PCLO: variants seen among roughly 807,000 people sequenced by gnomAD.
The protein encoded by PCLO is piccolo presynaptic cytomatrix protein.
In PCLO, 82 loss-of-function variants were observed where a neutral mutation model predicts 427.5. The observed-to-expected ratio is 0.19, with a 90% confidence interval of 0.16 to 0.23. The LOEUF (loss-of-function observed/expected upper bound fraction) is 0.23. Among genes scored for constraint, PCLO ranks in the 10% least tolerant of loss-of-function variants. The pLI, the probability that PCLO is intolerant of heterozygous loss-of-function variation, is 1.00. For missense variants in PCLO, 6,239 were observed against 6,115.9 expected (o/e 1.02, Z -0.67); for synonymous variants, 2,357 against 2,155.4 (o/e 1.09, Z -2.59).
intron 3 of PCLO, among the ~76,000 whole-genome samples, chr7:82,980,175 G>A (rs993102879): frequency 1.3e-5 from 2 of 148,698 alleles, no homozygotes; most frequent in African/African-American, 5.2e-5. Context: ...CACCTGCTCA[G>A]TGTTTCCTGA....
intron 20 of PCLO, among the ~76,000 whole-genome samples, chr7:82,814,964 A>G (rs901946627): frequency 1.3e-5 from 2 of 151,920 alleles, no homozygotes; most frequent in African/African-American, 4.8e-5. Flanking sequence ...TCACCTTAAC[A>G]ATTACATATG....
chr7:83,153,937 C>T (rs1171797617), intron 2 of PCLO, among the ~76,000 whole-genome samples: 2 of 151,906 alleles, frequency 1.3e-5, no homozygotes, highest in South Asian at 4.1e-4. Flanking sequence ...TATTAAAATG[C>T]TACATTATTC....
intron 9 of PCLO, among the ~76,000 whole-genome samples, chr7:82,893,331 C>G (rs1226906640): frequency 6.6e-6 from 1 of 151,954 alleles, no homozygotes; most frequent in Non-Finnish European, 1.5e-5. Flanking sequence ...GGACAAAAAA[C>G]CAAACACTGC....
chr7:83,020,624 G>A (rs1375896994), intron 3 of PCLO, among the ~76,000 whole-genome samples: 2 of 151,946 alleles, frequency 1.3e-5, no homozygotes, highest in East Asian at 3.9e-4. Flanking sequence ...CCTTGATCTT[G>A]GACTTTCAAT....
At chr7:83,106,036 C>G (rs1418490961) in intron 3 of PCLO, among the ~76,000 whole-genome samples, 1 of 152,214 alleles carries the variant, frequency 6.6e-6, no homozygotes, top group East Asian at 1.9e-4. Context: ...TAGACTAGGT[C>G]ATAGGACCCA....
At chr7:83,154,202 A>G (rs1161568420) in intron 2 of PCLO, among the ~76,000 whole-genome samples, 1 of 152,204 alleles carries the variant, frequency 6.6e-6, no homozygotes, top group African/African-American at 2.4e-5. Context: ...CAACTTCTTC[A>G]TTTTGTGAAA....
Position 82,953,470 on chromosome 7 carries a change from A to T in PCLO, c.7483T>A (p.Ser2495Thr). Residue 2495 changes from serine (S) to threonine (T), a missense_variant, in exon 5 of 25, where the codon TCT (serine) becomes ACT (threonine). Ser to Thr is a moderately conservative substitution (Grantham distance 58). This residue lies in a region of PCLO where 4,677 missense variants were observed against 4,468.4 expected (regional missense o/e 1.05). Transcript: ENST00000333891. ...PVPPKPSSIPSGLVFTHRPEP... is the reference protein window; with the variant it reads ...PVPPKPSSIPTGLVFTHRPEP... ...GGCCTGTGGGTAAATACAAGTCCAG[A>T]TGGAATTGAAGATGGCTTAGGAGGA... 6.2e-7 allele frequency: 1 copy of T among 1,613,418 alleles called. No individual in the cohort carries two copies. The highest frequency in any genetic ancestry group is 8.5e-7 in the Non-Finnish European group (1 of 1,179,768).
At chr7:83,088,352 G>A (rs1410836004) in intron 3 of PCLO, among the ~76,000 whole-genome samples, 1 of 152,186 alleles carries the variant, frequency 6.6e-6, no homozygotes, top group South Asian at 2.1e-4. Context: ...CGCACTGTGT[G>A]TATCTGGAAC....
intron 3 of PCLO, among the ~76,000 whole-genome samples, chr7:82,973,903 C>A (rs1795960690): frequency 6.6e-6 from 1 of 151,986 alleles, no homozygotes; most frequent in African/African-American, 2.4e-5. Flanking sequence ...AACCATGATT[C>A]TGGTTGCTTT....
rs557368120 is a variant in PCLO, at chr7:83,107,772, C to T, written c.3300+26478G>A. Reference sequence around the variant, plus strand: ...TTGGGAGGCCAAGGGGGGCAGATCACGAGGTGAAGAGATCAAGACCATCCT... The same window carrying T: ...TTGGGAGGCCAAGGGGGGCAGATCATGAGGTGAAGAGATCAAGACCATCCT... On this transcript the variant is annotated intron_variant, in intron 3 of 24. Coordinates refer to ENST00000333891, the MANE Select transcript of PCLO (RefSeq NM_033026.6). Among the ~76,000 whole-genome samples, 354 of 150,522 alleles carry T rather than the reference C, an allele frequency of 2.4e-3. 3 individuals carry two copies. Among genetic ancestry groups the T allele is most frequent in the Non-Finnish European group, 2.9e-3 (193 of 67,700 alleles).
At chr7:82,865,750 A>G (rs1167184707) in intron 10 of PCLO, among the ~76,000 whole-genome samples, 3 of 152,160 alleles carry the variant, frequency 2.0e-5, no homozygotes, top group African/African-American at 7.2e-5. Context: ...AAATACACAT[A>G]TTGTGTTGAT....
At chr7:82,770,910 CTGATA>C (rs1455967791) in intron 22 of PCLO, among the ~76,000 whole-genome samples, 2 of 151,852 alleles carry the variant, frequency 1.3e-5, no homozygotes, top group Non-Finnish European at 2.9e-5. Flanking sequence ...ATTAAAGCCG[CTGATA>C]TGTTTTAAAT....
At chr7:82,936,936 A>G (rs1312153598) in intron 6 of PCLO, among the ~76,000 whole-genome samples, 1 of 151,724 alleles carries the variant, frequency 6.6e-6, no homozygotes, top group Non-Finnish European at 1.5e-5. Flanking sequence ...GTATTTATCT[A>G]GAATAGGTAA....
chr7:83,039,964 A>G (rs1202756572), intron 3 of PCLO, among the ~76,000 whole-genome samples: 1 of 151,944 alleles, frequency 6.6e-6, no homozygotes, highest in African/African-American at 2.4e-5. Flanking sequence ...CCTTTTTTGC[A>G]TTGTTCATTG....
intron 3 of PCLO, among the ~76,000 whole-genome samples, chr7:82,970,726 T>C (rs182867733): frequency 5.9e-4 from 90 of 151,972 alleles, no homozygotes; most frequent in African/African-American, 2.1e-3. Context: ...AATTCAAATT[T>C]TGTTTATTAA....
chr7:82,794,450 ATTTTTTTTCTTTTTTTTT>A (rs897770844), intron 22 of PCLO, among the ~76,000 whole-genome samples: 3 of 62,030 alleles, frequency 4.8e-5, no homozygotes, highest in South Asian at 1.6e-3. Context: ...TAGTTCATAA[ATTTTTTTTCTTTTTTTTT>A]TTTTTTTTTT....
chr7:82,802,869 G>T (rs893856961), intron 21 of PCLO, among the ~76,000 whole-genome samples: 1 of 151,974 alleles, frequency 6.6e-6, no homozygotes, highest in Non-Finnish European at 1.5e-5. Flanking sequence ...CATAATAAAA[G>T]AACACATGTA....
chr7:83,097,008 ATATATATTATATATTATATAAATATATAT>A (rs1790590821), intron 3 of PCLO, among the ~76,000 whole-genome samples: 1 of 25,162 alleles, frequency 4.0e-5, no homozygotes, highest in Non-Finnish European at 6.1e-5. Flanking sequence ...TATATAAATA[ATATATATTATATATTATATAAATATATAT>A]TATATATTAT....
At chr7:82,815,431 T>C (rs573504244) in intron 20 of PCLO, among the ~76,000 whole-genome samples, 7 of 152,186 alleles carry the variant, frequency 4.6e-5, no homozygotes, top group African/African-American at 1.7e-4. Flanking sequence ...ATAATAGACC[T>C]ATATAGAAAG....
Sources: allele counts gnomAD v4.1 joint callset (sites outside exome capture counted in the v4.1 genomes callset), GRCh38; gene constraint gnomAD v4.1.1; regional missense constraint gnomAD v4.1.1; transcripts MANE v1.5; gene names NCBI Gene and HGNC (gene_info 2026-07-23, HGNC 2026-07-21).